Variants in SLC10A6 observed in about 807,000 individuals in gnomAD.
SLC10A6 encodes sodium-dependent organic anion transporter.
SLC10A6 carries 27 observed loss-of-function variants against 30.0 expected under a neutral mutation model. That is an observed-to-expected ratio of 0.90 (90% CI 0.66 to 1.24). The LOEUF (loss-of-function observed/expected upper bound fraction) is 1.24, where lower values mean the gene tolerates loss of function less well. Ranked by LOEUF, SLC10A6 falls within the 50% of genes most tolerant of loss-of-function variation. The pLI, the probability that SLC10A6 is intolerant of heterozygous loss-of-function variation, is 0.00. For missense variants in SLC10A6, 439 were observed against 457.0 expected, an observed-to-expected ratio of 0.96 and a Z score of 0.36; for synonymous variants, 166 against 173.8, an observed-to-expected ratio of 0.95 and a Z score of 0.36.
intron 1 of SLC10A6, among the ~76,000 whole-genome samples, chr4:86,838,852 G>C (rs1560460869): frequency 6.8e-6 from 1 of 146,546 alleles, no homozygotes; most frequent in Non-Finnish European, 1.5e-5. Flanking sequence ...GAGCCTGGGA[G>C]ATGGAGGTTG....
chr4:86,825,354 A>C (rs1053677189), intron 5 of SLC10A6, 66 bp downstream of exon 5: 15 of 1,487,426 alleles, frequency 1.0e-5, no homozygotes, highest in Non-Finnish European at 1.4e-5. Flanking sequence ...GATTGAAAAA[A>C]AAGTTGGTAA....
At chr4:86,824,616 GT>G (rs536212268) in intron 5 of SLC10A6, among the ~76,000 whole-genome samples, 9 of 151,268 alleles carry the variant, frequency 5.9e-5, no homozygotes, top group Non-Finnish European at 7.4e-5. Context: ...CCATGTGCAT[GT>G]TTGTTTCCTG....
chr4:86,825,145 C>A (rs752255507), intron 5 of SLC10A6, among the ~76,000 whole-genome samples: 43 of 152,132 alleles, frequency 2.8e-4, no homozygotes, highest in Non-Finnish European at 4.9e-4. Flanking sequence ...TAACAAGTTA[C>A]GAAGTCTAAG....
chr4:86,846,089 C>A (rs1355180127), intron 1 of SLC10A6, among the ~76,000 whole-genome samples: 1 of 152,152 alleles, frequency 6.6e-6, no homozygotes, highest in African/African-American at 2.4e-5. Context: ...GCAGATAAAA[C>A]TCCTATCAAT....
At chr4:86,834,565 A>T (rs1560459655) in intron 1 of SLC10A6, among the ~76,000 whole-genome samples, 1 of 152,190 alleles carries the variant, frequency 6.6e-6, no homozygotes, top group Non-Finnish European at 1.5e-5. Context: ...ATGGTGTATA[A>T]TCCTTTATGT....
At chr4:86,839,979 A>T (rs1188836302) in intron 1 of SLC10A6, among the ~76,000 whole-genome samples, 1 of 148,052 alleles carries the variant, frequency 6.8e-6, no homozygotes, top group Non-Finnish European at 1.5e-5. Flanking sequence ...CCTGATCTTG[A>T]CTCACTGCAA....
intron 3 of SLC10A6, among the ~76,000 whole-genome samples, chr4:86,828,757 T>C (rs530489882): frequency 1.3e-5 from 2 of 152,282 alleles, no homozygotes; most frequent in Admixed American, 6.5e-5. Context: ...CCCAAATGGA[T>C]ACTGTCCTTA....
At chr4:86,833,564 T>C in intron 1 of SLC10A6, 140 bp from the exon 2 acceptor site, 1 of 572,064 alleles carries the variant, frequency 1.7e-6, no homozygotes, top group South Asian at 2.8e-5. Flanking sequence ...TCTCCCGTTG[T>C]TTAACAAACG....
At chr4:86,843,674 C>A (rs1021144696) in intron 1 of SLC10A6, among the ~76,000 whole-genome samples, 2 of 152,094 alleles carry the variant, frequency 1.3e-5, no homozygotes, top group African/African-American at 4.8e-5. Context: ...TATGATATAT[C>A]ATTATATACA....
Position 86,825,583 on chromosome 4 carries a change from A to G in SLC10A6, c.762-6T>C, listed in dbSNP as rs2149410152. Reference sequence around the variant, plus strand: ...CTAAGGAAATTGTCCTGCACCTACCAAAAAGAAAATGTTTCAAGAGTAACG... The same window carrying G: ...CTAAGGAAATTGTCCTGCACCTACCGAAAAGAAAATGTTTCAAGAGTAACG... On this transcript the variant is annotated splice_polypyrimidine_tract_variant and splice_region_variant and intron_variant, in intron 4 of 5. Coordinates refer to ENST00000273905, the MANE Select transcript of SLC10A6 (RefSeq NM_197965.3). 3 of 1,576,934 alleles carry G rather than the reference A, an allele frequency of 1.9e-6. No individual in the cohort carries two copies. Among genetic ancestry groups the G allele is most frequent in the South Asian group, 2.3e-5 (2 of 88,600 alleles).
intron 2 of SLC10A6, among the ~76,000 whole-genome samples, chr4:86,832,809 G>C (rs542865977): frequency 6.6e-6 from 1 of 152,174 alleles, no homozygotes; most frequent in South Asian, 2.1e-4. Flanking sequence ...TTCATAATCA[G>C]TAAGAATTAT....
At chr4:86,831,308 T>A (rs1442804400) in intron 3 of SLC10A6, among the ~76,000 whole-genome samples, 1 of 152,208 alleles carries the variant, frequency 6.6e-6, no homozygotes, top group Non-Finnish European at 1.5e-5. Flanking sequence ...CTTATTCATG[T>A]AGTCAGCAGC....
intron 1 of SLC10A6, among the ~76,000 whole-genome samples, chr4:86,847,296 G>A (rs1746407795): frequency 6.6e-6 from 1 of 152,192 alleles, no homozygotes; most frequent in African/African-American, 2.4e-5. Flanking sequence ...TCTATCCCAT[G>A]CCTATGGGGC....
chr4:86,828,067 G>C lies in SLC10A6; in HGVS notation c.687C>G (p.Ile229Met). The change falls in exon 4 of 6, where the codon ATC (isoleucine) becomes ATG (methionine). Residue 229 changes from isoleucine to methionine, a missense_variant. Coordinates refer to ENST00000273905, the MANE Select transcript of SLC10A6 (RefSeq NM_197965.3). Reference protein sequence around the residue: ...SWNSDITLLTISFIFPLIGHV... With the variant: ...SWNSDITLLTMSFIFPLIGHV... The stretch of plus-strand genomic sequence containing the variant: ...GGCCAATCAAAGGAAAGATGAAACT[G>C]ATGGTCAGAAGGGTGATGTCTGAAT... The C allele has an allele frequency of 1.2e-6, 2 of 1,613,986 alleles. No homozygotes were observed. The highest frequency in any genetic ancestry group is 1.7e-6 in the Non-Finnish European group (2 of 1,179,946).
chr4:86,836,160 A>G (rs1489245024), intron 1 of SLC10A6, among the ~76,000 whole-genome samples: 2 of 152,242 alleles, frequency 1.3e-5, no homozygotes, highest in African/African-American at 4.8e-5. Context: ...AATGATTTCT[A>G]CTGGAAAACT....
chr4:86,830,735 C>G (rs935298207), intron 3 of SLC10A6, among the ~76,000 whole-genome samples: 22 of 152,142 alleles, frequency 1.4e-4, no homozygotes, highest in African/African-American at 5.1e-4. Flanking sequence ...TAAACCAAGC[C>G]AAACCATAAA....
intron 1 of SLC10A6, among the ~76,000 whole-genome samples, chr4:86,845,245 CA>C (rs1746374018): frequency 6.6e-6 from 1 of 152,078 alleles, no homozygotes; most frequent in South Asian, 2.1e-4. Context: ...CTGGAGGAGA[CA>C]AAATAAGGTC....
intron 1 of SLC10A6, among the ~76,000 whole-genome samples, chr4:86,847,938 C>G (rs1746420031): frequency 6.6e-6 from 1 of 152,188 alleles, no homozygotes; most frequent in Non-Finnish European, 1.5e-5. Context: ...TCCCTCTACT[C>G]TTTCCTCAAA....
intron 1 of SLC10A6, among the ~76,000 whole-genome samples, chr4:86,839,868 C>T (rs1436296442): frequency 1.3e-5 from 2 of 151,722 alleles, no homozygotes; most frequent in African/African-American, 4.8e-5. Flanking sequence ...GTCATGCCAG[C>T]ATTGAAAAAT....
Sources: gnomAD v4.1 joint callset for allele counts (sites outside exome capture counted in the v4.1 genomes callset) on GRCh38, gnomAD v4.1.1 for gene constraint, MANE v1.5 for transcripts, NCBI Gene and HGNC (gene_info 2026-07-23, HGNC 2026-07-21) for gene names.